The following WWOX variants were observed in gnomAD, a reference collection of about 807,000 sequenced individuals.
WWOX encodes WW domain containing oxidoreductase.
A neutral mutation model predicts 46.2 loss-of-function variants in WWOX; 69 were observed. That is an observed-to-expected ratio of 1.49 (90% CI 1.23 to 1.82). WWOX has a LOEUF of 1.82. Among genes scored for constraint, WWOX ranks in the 40% most tolerant of loss-of-function variants. The pLI, the probability that WWOX is intolerant of heterozygous loss-of-function variation, is 0.00. For missense variants in WWOX, 919 were observed against 542.6 expected (o/e 1.69, Z -6.89); for synonymous variants, 359 against 202.6 (o/e 1.77, Z -6.56).
intron 8 of WWOX, chr16:78,898,787 C>T (rs997936247): frequency 6.6e-6 from 1 of 152,098 alleles, no homozygotes; most frequent in African/African-American, 2.4e-5. Context: ...TATTTATAAA[C>T]ATTTCAGTGA....
chr16:79,019,588 A>C (rs963400165), intron 8 of WWOX, among the ~76,000 whole-genome samples: 3 of 152,094 alleles, frequency 2.0e-5, no homozygotes, highest in Admixed American at 2.0e-4. Flanking sequence ...AAACAAAAGC[A>C]GAAAGCAAGC....
At chr16:78,705,476 G>C (rs533511518) in intron 8 of WWOX, among the ~76,000 whole-genome samples, 2 of 152,306 alleles carry the variant, frequency 1.3e-5, no homozygotes, top group Admixed American at 1.3e-4. Flanking sequence ...TCTGTCATCA[G>C]TTTGTCAGTT....
chr16:78,415,200 T>C lies in WWOX; in HGVS notation c.606-9670T>C, dbSNP rs537345675. ...AGGCAGTTCCCGGAAGTGAGGGTTC[T>C]TCCCCTTTTTAGACCATATAGGGTA... On this transcript the variant is annotated intron_variant, in intron 6 of 8. Coordinates refer to ENST00000566780, the MANE Select transcript of WWOX (RefSeq NM_016373.4). 1.3e-5 allele frequency among the ~76,000 whole-genome samples: 2 copies of C among 152,010 alleles called. 1 individual carries two copies. The highest frequency in any genetic ancestry group is 3.9e-4 in the East Asian group (2 of 5,174).
intron 8 of WWOX, among the ~76,000 whole-genome samples, chr16:78,994,969 C>CTT (rs869088414): frequency 0.24 from 27,938 of 114,518 alleles, 4,607 homozygotes; most frequent in Non-Finnish European, 0.33. Context: ...TCTTCTTCTT[C>CTT]TTTTTTTTTT....
chr16:78,458,605 T>A (rs998431674), intron 8 of WWOX, among the ~76,000 whole-genome samples: 1 of 152,164 alleles, frequency 6.6e-6, no homozygotes, highest in Non-Finnish European at 1.5e-5. Flanking sequence ...TATTTTCTTA[T>A]ATTTACAGCA....
At chr16:78,692,724 C>T (rs1424163) in intron 8 of WWOX, among the ~76,000 whole-genome samples, 5,454 of 152,320 alleles carry the variant, frequency 0.036, 307 homozygotes, top group African/African-American at 0.12. Context: ...AGAAGACCCT[C>T]TTAATTTCAT....
At chr16:78,907,434 C>G (rs529595915) in intron 8 of WWOX, among the ~76,000 whole-genome samples, 53 of 152,206 alleles carry the variant, frequency 3.5e-4, no homozygotes, top group Admixed American at 2.9e-3. Flanking sequence ...TAGCAGAATT[C>G]AGGCTCCTGT....
chr16:78,924,713 A>T (rs12925863), intron 8 of WWOX, among the ~76,000 whole-genome samples: 2 of 152,222 alleles, frequency 1.3e-5, no homozygotes, highest in East Asian at 3.9e-4. Context: ...AATACCTTGA[A>T]TAAGTTTATA....
rs938332891 is a variant in WWOX at position 78,432,764 on chromosome 16, G to A, written c.1056+12G>A. On this transcript the variant is annotated intron_variant, in intron 8 of 8. Transcript: ENST00000566780. ...TCACCAAGTCCATGGTAAGAGAACA[G>A]CTTCTGGCGCCGCAAACACCTTGGG... The A allele has an allele frequency of 8.1e-6, 13 of 1,614,096 alleles. No homozygotes were observed. Among genetic ancestry groups the A allele is most frequent in the Non-Finnish European group, 1.0e-5 (12 of 1,180,018 alleles).
At chr16:78,641,735 G>C (rs112938788) in intron 8 of WWOX, among the ~76,000 whole-genome samples, 1 of 152,250 alleles carries the variant, frequency 6.6e-6, no homozygotes, top group East Asian at 1.9e-4. Context: ...GATAGACCCT[G>C]AGTAGCAAAA....
rs577930919 is a variant in WWOX at position 78,516,705 on chromosome 16, C to G, written c.1056+83953C>G. Among the ~76,000 whole-genome samples the G allele has an allele frequency of 8.7e-4, 132 of 152,312 alleles. 1 individual carries two copies. Among genetic ancestry groups the G allele is most frequent in the South Asian group, 1.7e-3 (8 of 4,830 alleles). ...TACTTTTGCACAGGCAAAAGTCCAG[C>G]TGAAATGATCCTTACTTAGCATAAT... On this transcript the variant is annotated intron_variant, in intron 8 of 8. Coordinates refer to ENST00000566780, the MANE Select transcript of WWOX (RefSeq NM_016373.4).
At chr16:78,405,093 A>C (rs1454602917) in intron 6 of WWOX, among the ~76,000 whole-genome samples, 2 of 152,218 alleles carry the variant, frequency 1.3e-5, no homozygotes, top group Non-Finnish European at 2.9e-5. Context: ...TGGGATGGGA[A>C]AATATAATCA....
At chr16:79,056,215 CAA>C (rs199968406) in intron 8 of WWOX, among the ~76,000 whole-genome samples, 8,715 of 139,068 alleles carry the variant, frequency 0.063, 819 homozygotes, top group African/African-American at 0.21. Flanking sequence ...GTCACTAGAC[CAA>C]AAAAAAAAAA....
intron 8 of WWOX, among the ~76,000 whole-genome samples, chr16:78,859,743 C>G (rs147155399): frequency 4.3e-4 from 66 of 152,196 alleles, no homozygotes; most frequent in Middle Eastern, 3.4e-3. Flanking sequence ...AAACAGAACA[C>G]TAATAGCTAT....
chr16:78,319,032 A>G (rs552042187), intron 5 of WWOX, among the ~76,000 whole-genome samples: 1 of 152,310 alleles, frequency 6.6e-6, no homozygotes, highest in South Asian at 2.1e-4. Flanking sequence ...TAAAATCAGG[A>G]GATTACCCAG....
chr16:79,014,806 G>T (rs150120995), intron 8 of WWOX, among the ~76,000 whole-genome samples: 1,612 of 152,170 alleles, frequency 0.011, 23 homozygotes, highest in South Asian at 0.058. Context: ...GCTATTTTTG[G>T]TTTCCTACTT....
intron 4 of WWOX, among the ~76,000 whole-genome samples, chr16:78,139,553 G>A (rs113786633): frequency 0.052 from 7,881 of 152,210 alleles, 237 homozygotes; most frequent in African/African-American, 0.059. Context: ...GCTGAGGCAG[G>A]AGAATTGCTT....
At chr16:78,913,672 T>C (rs1005776728) in intron 8 of WWOX, among the ~76,000 whole-genome samples, 2 of 151,758 alleles carry the variant, frequency 1.3e-5, no homozygotes, top group Non-Finnish European at 2.9e-5. Flanking sequence ...TTTTTTTTTT[T>C]CTTTTTAGTG....
intron 8 of WWOX, among the ~76,000 whole-genome samples, chr16:78,469,450 G>A (rs1305564293): frequency 6.6e-6 from 1 of 152,176 alleles, no homozygotes; most frequent in African/African-American, 2.4e-5. Flanking sequence ...GGAGACTAGT[G>A]TTCTGAAACA....
Sources: allele counts gnomAD v4.1 joint callset (sites outside exome capture counted in the v4.1 genomes callset), GRCh38; gene constraint gnomAD v4.1.1; transcripts MANE v1.5; gene names NCBI Gene and HGNC (gene_info 2026-07-23, HGNC 2026-07-21).